Variants in TTC9C observed in about 807,000 individuals in gnomAD.
The protein encoded by TTC9C is tetratricopeptide repeat protein 9C.
Under a neutral mutation model 22.5 loss-of-function variants are expected in TTC9C, and 15 were observed. The ratio of observed to expected loss-of-function variants is 0.67; its 90% CI spans 0.45 to 1.03. The LOEUF (loss-of-function observed/expected upper bound fraction) is 1.03. TTC9C is among the 50% of genes least tolerant of loss of function. The probability of loss-of-function intolerance (pLI) is 0.00; values close to 1 mark genes in which losing one functional copy is unlikely to be tolerated. For missense variants in TTC9C, 244 were observed against 214.6 expected, an observed-to-expected ratio of 1.14 and a Z score of -0.86; for synonymous variants, 92 against 86.8, an observed-to-expected ratio of 1.06 and a Z score of -0.33.
rs751770333 is a variant in TTC9C, at chr11:62,728,935, T to A, written c.87T>A (p.Ser29Arg). 5.6e-6 allele frequency: 9 copies of A among 1,613,824 alleles called. No homozygotes were observed. In the African/African-American group the frequency reaches 1.1e-4, roughly 19 times the overall value. The change falls in exon 1 of 3, where the codon AGT becomes AGA. Residue 29 changes from serine to arginine, a missense_variant. Ser to Arg is a moderately radical substitution (Grantham distance 110, BLOSUM62 -1). Coordinates refer to ENST00000316461, the MANE Select transcript of TTC9C (RefSeq NM_173810.4). ...AAGGGAAGTACCGAGATGCTGTGAG[T>A]AGGTACCATCGAGCTCTGCTTCAGC... is the stretch of plus-strand genomic sequence containing the variant. Reference protein sequence around the residue: ...YREGKYRDAVSRYHRALLQLR... With the variant: ...YREGKYRDAVRRYHRALLQLR...
At chr11:62,734,309 T>C (rs1565171934) in intron 1 of TTC9C, among the ~76,000 whole-genome samples, 1 of 147,764 alleles carries the variant, frequency 6.8e-6, no homozygotes, top group African/African-American at 2.5e-5. Flanking sequence ...AAAAAAAAAA[T>C]AGGGTCTCAC....
intron 1 of TTC9C, among the ~76,000 whole-genome samples, chr11:62,732,848 G>T (rs1172904740): frequency 6.6e-6 from 1 of 151,728 alleles, no homozygotes; most frequent in Admixed American, 6.6e-5. Context: ...CTTGAACCTG[G>T]GATGTGGAGG....
At chr11:62,732,068 T>C (rs2083857625) in intron 1 of TTC9C, among the ~76,000 whole-genome samples, 1 of 140,568 alleles carries the variant, frequency 7.1e-6, no homozygotes, top group Non-Finnish European at 1.5e-5. Context: ...CAATTCTGGC[T>C]CACTGCAAGC....
Position 62,735,388 on chromosome 11 carries a change from T to G in TTC9C, c.245T>G (p.Leu82Arg). Residue 82 changes from leucine (L) to arginine (R), a missense_variant, in exon 2 of 3, where the codon CTC (leucine) becomes CGC (arginine). Leu to Arg is a moderately radical substitution (Grantham distance 102). Transcript: ENST00000316461. ...TDCYNNLAAC[L>R]LQMEPVNYER... ...TTTTCATTTGGCCCATTAGCTTGTCTCCTTCAGATGGAGCCCGTGAACTAC... is the reference window on the plus strand; with the variant it reads ...TTTTCATTTGGCCCATTAGCTTGTCGCCTTCAGATGGAGCCCGTGAACTAC... The G allele has an allele frequency of 6.2e-7, 1 of 1,613,984 alleles. No individual in the cohort carries two copies. Among genetic ancestry groups the G allele is most frequent in the Non-Finnish European group, 8.5e-7 (1 of 1,179,924 alleles).
At chr11:62,731,262 G>T (rs2083845924) in intron 1 of TTC9C, among the ~76,000 whole-genome samples, 1 of 152,080 alleles carries the variant, frequency 6.6e-6, no homozygotes, top group African/African-American at 2.4e-5. Context: ...TGTCTTTCCA[G>T]CTAGAATGCC....
Position 62,735,387 on chromosome 11 carries a change from C to CT in TTC9C, c.245dup (p.Leu83ProfsTer15), listed in dbSNP as rs772603053. On this transcript the variant is annotated frameshift_variant, in exon 2 of 3. Coordinates refer to ENST00000316461, the MANE Select transcript of TTC9C (RefSeq NM_173810.4). LOFTEE classifies it high-confidence loss of function. ...CTTTTCATTTGGCCCATTAGCTTGT[C>CT]TCCTTCAGATGGAGCCCGTGAACTA... The CT allele has an allele frequency of 1.9e-6, 3 of 1,613,798 alleles. No homozygotes were observed. The highest frequency in any genetic ancestry group is 2.5e-6 in the Non-Finnish European group (3 of 1,179,892).
intron 1 of TTC9C, among the ~76,000 whole-genome samples, chr11:62,734,737 C>T (rs2083891067): frequency 1.3e-5 from 2 of 152,140 alleles, no homozygotes; most frequent in Admixed American, 1.3e-4. Flanking sequence ...CCTACCTCAG[C>T]CTCCCAAAGT....
intron 1 of TTC9C, among the ~76,000 whole-genome samples, chr11:62,731,255 C>T (rs1396906737): frequency 6.6e-6 from 1 of 152,080 alleles, no homozygotes; most frequent in African/African-American, 2.4e-5. Context: ...TGTAGGCTGT[C>T]TTTCCAGCTA....
intron 1 of TTC9C, chr11:62,733,132 G>T (rs549719675): frequency 7.8e-7 from 1 of 1,288,286 alleles, no homozygotes; most frequent in Non-Finnish European, 1.0e-6. Flanking sequence ...GAAATAGGGA[G>T]TGTTTCCCTT....
intron 1 of TTC9C, among the ~76,000 whole-genome samples, chr11:62,729,656 A>G (rs536539304): frequency 8.0e-4 from 116 of 145,720 alleles, no homozygotes; most frequent in African/African-American, 2.9e-3. Flanking sequence ...GCTCACCGCA[A>G]CCTCTGCCTC....
chr11:62,735,689 G>C, intron 2 of TTC9C, 125 bp downstream of exon 2: 2 of 1,408,030 alleles, frequency 1.4e-6, no homozygotes, highest in Non-Finnish European at 1.9e-6. Flanking sequence ...TCACATGGTT[G>C]AGAATTCGAA....
In TTC9C at chr11:62,735,404, C is replaced by T. The variant is rs779723199; in HGVS notation, c.261C>T (p.Pro87=). The change falls in exon 2 of 3, where the codon CCC becomes CCT. Residue 87 remains proline (P), a synonymous_variant. Transcript: ENST00000316461. The part of the protein sequence containing the change: ...NLAACLLQME[P]VNYERVREYS... Reference sequence around the variant, plus strand: ...TAGCTTGTCTCCTTCAGATGGAGCCCGTGAACTACGAACGAGTGAGAGAAT... The same window carrying T: ...TAGCTTGTCTCCTTCAGATGGAGCCTGTGAACTACGAACGAGTGAGAGAAT... The T allele has an allele frequency of 1.4e-5, 23 of 1,613,938 alleles. No individual in the cohort carries two copies. The African/African-American group carries it at 1.5e-4, about 10-fold the overall frequency.
intron 1 of TTC9C, among the ~76,000 whole-genome samples, chr11:62,730,772 C>T (rs1365710072): frequency 1.3e-5 from 2 of 152,050 alleles, no homozygotes; most frequent in African/African-American, 4.8e-5. Flanking sequence ...GGGATTTCTT[C>T]ATGTTGGTCA....
intron 2 of TTC9C, among the ~76,000 whole-genome samples, chr11:62,737,672 T>C (rs1326601558): frequency 6.6e-6 from 1 of 152,206 alleles, no homozygotes; most frequent in African/African-American, 2.4e-5. Flanking sequence ...GCCACCTATA[T>C]GAATAGTATC....
intron 1 of TTC9C, among the ~76,000 whole-genome samples, chr11:62,730,944 A>G (rs953754699): frequency 1.3e-5 from 2 of 151,016 alleles, no homozygotes; most frequent in African/African-American, 4.9e-5. Flanking sequence ...GCTGGAGTGC[A>G]GTGGCGTGAT....
In TTC9C at chr11:62,738,313, G is replaced by A. The variant is rs2083935471; in HGVS notation, c.447G>A (p.Gln149=). 1.2e-6 allele frequency: 2 copies of A among 1,612,752 alleles called. No homozygotes were observed. Among genetic ancestry groups the A allele is most frequent in the Admixed American group, 3.3e-5 (2 of 59,884 alleles). Residue 149 remains glutamine, a synonymous_variant, in exon 3 of 3, where the codon CAG becomes CAA. Coordinates refer to ENST00000316461, the MANE Select transcript of TTC9C (RefSeq NM_173810.4). The part of the protein sequence containing the change: ...PKDANVRRYL[Q]LTQSELSSYH... ...ATGCCAACGTCCGGCGGTACCTCCA[G>A]CTGACACAGTCAGAACTCAGCAGCT...
At chr11:62,728,050 T>TC (rs1554989754), upstream of TTC9C, 1,000 of 148,688 alleles carry the variant, frequency 6.7e-3, 6 homozygotes, top group East Asian at 0.031. Flanking sequence ...TTTTTTTTTT[T>TC]CCCAGGTTGG....
In TTC9C at chr11:62,728,825, C is replaced by T. The variant is rs375215548; in HGVS notation, c.-24C>T. 173 of 1,612,308 alleles carry T rather than the reference C, an allele frequency of 1.1e-4. No individual in the cohort carries two copies. The highest frequency in any genetic ancestry group is 1.4e-4 in the Non-Finnish European group (161 of 1,178,544). On this transcript the variant is annotated 5_prime_UTR_variant, in exon 1 of 3. Transcript: ENST00000316461. The stretch of plus-strand genomic sequence containing the variant: ...TCACTTGCTCCTTCACTTCCCAGTT[C>T]CGCAAGAACCGTGGGCGACAGTTAT...
chr11:62,735,149 C>T (rs2083896055), intron 1 of TTC9C, among the ~76,000 whole-genome samples: 1 of 152,202 alleles, frequency 6.6e-6, no homozygotes, highest in Admixed American at 6.5e-5. Context: ...CCGTCTCGGC[C>T]TCCCAAAGTG....
Sources: allele counts gnomAD v4.1 joint callset (sites outside exome capture counted in the v4.1 genomes callset), GRCh38; gene constraint gnomAD v4.1.1; transcripts MANE v1.5; gene names NCBI Gene and HGNC (gene_info 2026-07-23, HGNC 2026-07-21).